Variants in RBFOX3 observed in about 807,000 individuals in gnomAD.
RBFOX3 encodes the protein RNA binding fox-1 homolog 3.
Under a neutral mutation model 48.7 loss-of-function variants are expected in RBFOX3, and 17 were observed. That is an observed-to-expected ratio of 0.35 (90% CI 0.24 to 0.52). The LOEUF is 0.52. RBFOX3 is among the 20% of genes least tolerant of loss of function. RBFOX3 has a pLI of 0.94. For synonymous variants in RBFOX3, 212 were observed against 209.5 expected (o/e 1.01, Z -0.10); for missense variants, 382 against 497.5 (o/e 0.77, Z 2.21).
At chr17:79,483,454 C>CCCTGCCTG (rs2079063513) in intron 1 of RBFOX3, among the ~76,000 whole-genome samples, 1 of 135,550 alleles carries the variant, frequency 7.4e-6, no homozygotes, top group African/African-American at 2.9e-5. Context: ...CTCCCTCCCT[C>CCCTGCCTG]CCTCCCTGCC....
intron 4 of RBFOX3, among the ~76,000 whole-genome samples, chr17:79,116,915 C>A (rs1262322259): frequency 6.6e-6 from 1 of 152,220 alleles, no homozygotes; most frequent in Non-Finnish European, 1.5e-5. Flanking sequence ...GTGGGCAATG[C>A]GGGTTCCAGG....
At chr17:79,545,951 C>T (rs191657823) in intron 1 of RBFOX3, among the ~76,000 whole-genome samples, 237 of 152,274 alleles carry the variant, frequency 1.6e-3, no homozygotes, top group Non-Finnish European at 2.8e-3. Context: ...TGTGTGTGCA[C>T]GTGTGTGCGT....
intron 1 of RBFOX3, among the ~76,000 whole-genome samples, chr17:79,562,166 C>T (rs2092263015): frequency 6.6e-6 from 1 of 152,184 alleles, no homozygotes; most frequent in Non-Finnish European, 1.5e-5. Flanking sequence ...TAGAATGGTT[C>T]GTGGACTCCT....
chr17:79,267,036 G>C (rs1185441791), intron 3 of RBFOX3, among the ~76,000 whole-genome samples: 3 of 152,198 alleles, frequency 2.0e-5, no homozygotes, highest in Non-Finnish European at 4.4e-5. Flanking sequence ...CTGGTCAGAA[G>C]GTGGGTCCTG....
chr17:79,470,540 A>C (rs1446486881), intron 2 of RBFOX3, among the ~76,000 whole-genome samples: 2 of 152,138 alleles, frequency 1.3e-5, no homozygotes, highest in Non-Finnish European at 2.9e-5. Flanking sequence ...ACATGCATCT[A>C]AGGTTAGAAT....
chr17:79,172,252 G>C (rs577531689), intron 4 of RBFOX3, among the ~76,000 whole-genome samples: 2 of 148,646 alleles, frequency 1.3e-5, no homozygotes, highest in South Asian at 4.3e-4. Context: ...TTTAAAAAAT[G>C]AACAGCAGAT....
chr17:79,556,085 C>A (rs1184035563), intron 1 of RBFOX3, among the ~76,000 whole-genome samples: 1 of 152,126 alleles, frequency 6.6e-6, no homozygotes, highest in Non-Finnish European at 1.5e-5. Flanking sequence ...TTGCAATCAT[C>A]CAGACGCAAT....
At position 79,223,658 on chromosome 17, in the gene RBFOX3, C is replaced by A. The variant is rs9906838; in HGVS notation, c.-34+12108G>T. Among the ~76,000 whole-genome samples the A allele has an allele frequency of 7.4e-4, 113 of 152,236 alleles. 1 individual carries two copies. The highest frequency in any genetic ancestry group is 2.3e-3 in the African/African-American group (94 of 41,538). On this transcript the variant is annotated intron_variant, in intron 4 of 14. Transcript: ENST00000693108. Reference sequence around the variant, plus strand: ...GATGCGGCATCCTCTGGTCAGAACGCCAGCAGCTATGAATAAATAATGATG... The same window carrying A: ...GATGCGGCATCCTCTGGTCAGAACGACAGCAGCTATGAATAAATAATGATG...
intron 14 of RBFOX3, among the ~76,000 whole-genome samples, chr17:79,093,485 C>T (rs773121073): frequency 2.4e-4 from 36 of 151,704 alleles, no homozygotes; most frequent in Non-Finnish European, 3.7e-4. Flanking sequence ...GCACCAGACC[C>T]GCGCCTGTGG....
chr17:79,613,775 A>AC (rs1452765689), upstream of RBFOX3, among the ~76,000 whole-genome samples: 1 of 152,194 alleles, frequency 6.6e-6, no homozygotes, highest in African/African-American at 2.4e-5. Flanking sequence ...GGAGTTCGAG[A>AC]CCAGCCTGGC....
intron 4 of RBFOX3, among the ~76,000 whole-genome samples, chr17:79,207,457 C>T (rs1415677133): frequency 6.6e-6 from 1 of 152,206 alleles, no homozygotes; most frequent in Middle Eastern, 3.2e-3. Context: ...CCACCCCTAG[C>T]GAGGCCTGCA....
the RBFOX3 span, among the ~76,000 whole-genome samples, chr17:79,622,267 G>A: frequency 1.3e-5 from 2 of 152,176 alleles, no homozygotes; most frequent in African/African-American, 4.8e-5. Context: ...GATGGGGTGG[G>A]GGGTGGCAGG....
chr17:79,475,083 G>A (rs2077540475), intron 2 of RBFOX3, among the ~76,000 whole-genome samples: 1 of 152,126 alleles, frequency 6.6e-6, no homozygotes, highest in Non-Finnish European at 1.5e-5. Flanking sequence ...TTATTTTTAG[G>A]TTTAGATTTG....
intron 4 of RBFOX3, among the ~76,000 whole-genome samples, chr17:79,164,239 G>C (rs1378990962): frequency 6.6e-6 from 1 of 152,214 alleles, no homozygotes; most frequent in Non-Finnish European, 1.5e-5. Context: ...GGTAGCGCCT[G>C]GGCAGAAAAG....
At position 79,536,814 on chromosome 17, in the gene RBFOX3, C is replaced by A. The variant is rs116313774; in HGVS notation, c.-319-54216G>T. 2.9e-3 allele frequency among the ~76,000 whole-genome samples: 436 copies of A among 152,282 alleles called. 1 individual carries two copies. Among genetic ancestry groups the A allele is most frequent in the African/African-American group, 9.7e-3 (405 of 41,546 alleles). On this transcript the variant is annotated intron_variant, in intron 1 of 14. Transcript: ENST00000693108. Reference sequence around the variant, plus strand: ...AAAGCAACAGACATTTGGCCGGGTGCGGAGGCTAACACTGTAATCCCAGCG... The same window carrying A: ...AAAGCAACAGACATTTGGCCGGGTGAGGAGGCTAACACTGTAATCCCAGCG...
chr17:79,523,278 C>T (rs956940425), intron 1 of RBFOX3, among the ~76,000 whole-genome samples: 4 of 152,080 alleles, frequency 2.6e-5, no homozygotes, highest in Non-Finnish European at 4.4e-5. Context: ...GACTTCTAAA[C>T]GGTTACGACG....
At chr17:79,192,136 C>G (rs2054641148) in intron 4 of RBFOX3, among the ~76,000 whole-genome samples, 1 of 152,192 alleles carries the variant, frequency 6.6e-6, no homozygotes, top group African/African-American at 2.4e-5. Context: ...TCCTGATCCA[C>G]TCTAGCATTG....
intron 1 of RBFOX3, among the ~76,000 whole-genome samples, chr17:79,574,399 A>G (rs2092787010): frequency 6.6e-6 from 1 of 152,190 alleles, no homozygotes; most frequent in Non-Finnish European, 1.5e-5. Flanking sequence ...CAAAACCAAG[A>G]TGGCGATCAA....
At position 79,473,668 on chromosome 17, in the gene RBFOX3, C is replaced by T. The variant is rs1163768955; in HGVS notation, c.-175+8786G>A. On this transcript the variant is annotated intron_variant, in intron 2 of 14. Coordinates refer to ENST00000693108, the MANE Select transcript of RBFOX3 (RefSeq NM_001350451.2). The surrounding 1 kb of genome is among the most constrained non-coding windows in gnomAD (Gnocchi z 4.2). ...CGCTGGTGACGGCAGGTGGCCACAC[C>T]CTGCAAGCTCCCTGTAATTCCAGCC... is the stretch of plus-strand genomic sequence containing the variant. 6.6e-6 allele frequency among the ~76,000 whole-genome samples: 1 copy of T among 152,304 alleles called. No homozygotes were observed. The highest frequency in any genetic ancestry group is 1.9e-4 in the East Asian group (1 of 5,186).
Sources: allele counts gnomAD v4.1 joint callset (sites outside exome capture counted in the v4.1 genomes callset), GRCh38; gene constraint gnomAD v4.1.1; non-coding constraint Gnocchi (gnomAD v3.1); transcripts MANE v1.5; gene names NCBI Gene and HGNC (gene_info 2026-07-23, HGNC 2026-07-21).